GALM: variants seen among roughly 807,000 people sequenced by gnomAD.
The protein encoded by GALM is aldose 1-epimerase.
In GALM, 43 loss-of-function variants were observed where a neutral mutation model predicts 37.4. The observed-to-expected ratio is 1.15, with a 90% CI of 0.90 to 1.48. The LOEUF (loss-of-function observed/expected upper bound fraction) is 1.48, where lower values mean the gene tolerates loss of function less well. Ranked by LOEUF, GALM falls within the 40% of genes most tolerant of loss-of-function variation. The probability of loss-of-function intolerance (pLI) is 0.00; values close to 1 mark genes in which losing one functional copy is unlikely to be tolerated. For synonymous variants in GALM, 199 were observed against 170.6 expected, an observed-to-expected ratio of 1.17 and a Z score of -1.30; for missense variants, 456 against 419.1, an observed-to-expected ratio of 1.09 and a Z score of -0.77.
intron 3 of GALM, among the ~76,000 whole-genome samples, chr2:38,684,866 A>C (rs982352319): frequency 6.6e-6 from 1 of 152,170 alleles, no homozygotes; most frequent in Non-Finnish European, 1.5e-5. Flanking sequence ...AAGAGTTATG[A>C]AAGCAGGTCT....
intron 1 of GALM, among the ~76,000 whole-genome samples, chr2:38,673,456 C>A (rs773469611): frequency 1.7e-4 from 26 of 152,182 alleles, no homozygotes; most frequent in East Asian, 3.9e-4. Context: ...ATAATATGCC[C>A]ACGCCCAAAG....
At chr2:38,711,806 C>T (rs866877596) in intron 4 of GALM, among the ~76,000 whole-genome samples, 11 of 86,544 alleles carry the variant, frequency 1.3e-4, no homozygotes, top group Non-Finnish European at 1.5e-4. Flanking sequence ...ATCACCATCA[C>T]CATCATCATC....
At position 38,707,442 on chromosome 2, in the gene GALM, C is replaced by G. The variant is rs575337607; in HGVS notation, c.634+17548C>G. On this transcript the variant is annotated intron_variant, in intron 4 of 6. Transcript: ENST00000272252. ...AAGGGAGATGGCCAGGGGTAGAAGG[C>G]AAAGAAGGAGAAGAGGTGTCTAGAA... Among the ~76,000 whole-genome samples, 3 of 152,120 alleles carry G rather than the reference C, an allele frequency of 2.0e-5. No individual in the cohort carries two copies. In the East Asian group the frequency reaches 5.8e-4, roughly 29 times the overall value.
intron 2 of GALM, 135 bp from the exon 3 acceptor site, chr2:38,681,145 C>G: frequency 2.7e-6 from 2 of 750,986 alleles, no homozygotes; most frequent in Non-Finnish European, 2.3e-6. Context: ...AAAAAAAAAT[C>G]CAGGCTATCA....
chr2:38,684,677 G>C (rs12469458), intron 3 of GALM, among the ~76,000 whole-genome samples: 20,226 of 152,118 alleles, frequency 0.13, 1,743 homozygotes, highest in African/African-American at 0.23. Context: ...CGTTGTGGTA[G>C]ATGCCTGCAA....
At chr2:38,686,773 A>G (rs10165289) in intron 3 of GALM, among the ~76,000 whole-genome samples, 4,582 of 152,292 alleles carry the variant, frequency 0.03, 232 homozygotes, top group African/African-American at 0.1. Context: ...TGTACTGCAT[A>G]CTTCTGTTTC....
intron 6 of GALM, among the ~76,000 whole-genome samples, chr2:38,732,731 C>A (rs781355128): frequency 1.8e-4 from 27 of 151,214 alleles, no homozygotes; most frequent in Non-Finnish European, 3.7e-4. Context: ...CTAACCTGGG[C>A]AACACAGGGA....
intron 4 of GALM, among the ~76,000 whole-genome samples, chr2:38,703,054 T>A (rs1439248940): frequency 4.3e-3 from 60 of 13,952 alleles, no homozygotes; most frequent in African/African-American, 0.011. Context: ...ATGTGGGATT[T>A]TATATATATA....
intron 4 of GALM, among the ~76,000 whole-genome samples, chr2:38,705,655 G>GC (rs1284693556): frequency 2.6e-5 from 4 of 152,134 alleles, no homozygotes; most frequent in Non-Finnish European, 5.9e-5. Flanking sequence ...AGACAGTTGG[G>GC]CAGAGCAAGG....
At chr2:38,676,363 G>A (rs1195925188) in intron 2 of GALM, among the ~76,000 whole-genome samples, 3 of 151,960 alleles carry the variant, frequency 2.0e-5, no homozygotes, top group African/African-American at 7.3e-5. Flanking sequence ...GAAGAGATGT[G>A]GATTGATAAC....
rs1160196072 is a variant in GALM, at chr2:38,675,543, TTGTG to T, written c.191-326_191-323del. Among the ~76,000 whole-genome samples, 186 of 33,594 alleles carry T rather than the reference TTGTG, an allele frequency of 5.5e-3. 1 individual carries two copies. The highest frequency in any genetic ancestry group is 0.018 in the South Asian group (15 of 814). 22.0% of individuals were successfully genotyped at this position (33,594 alleles called of 152,430 possible). On this transcript the variant is annotated intron_variant, in intron 1 of 6. Transcript: ENST00000272252. ...GTTTTTTTGTTTTTTTTTTTTTTTT[TTGTG>T]TGTGTGTGTGTGTGTGTGTGTGTGT...
At chr2:38,701,950 C>T (rs1665929795) in intron 4 of GALM, among the ~76,000 whole-genome samples, 1 of 152,194 alleles carries the variant, frequency 6.6e-6, no homozygotes, top group Admixed American at 6.5e-5. Context: ...CCATTTCACT[C>T]CCCACTGCCT....
At chr2:38,721,524 T>G (rs899743790) in intron 4 of GALM, among the ~76,000 whole-genome samples, 1 of 152,122 alleles carries the variant, frequency 6.6e-6, no homozygotes, top group Non-Finnish European at 1.5e-5. Context: ...CCACTCTGCT[T>G]CTTTTTTGAG....
intron 3 of GALM, among the ~76,000 whole-genome samples, chr2:38,685,448 G>T (rs545068410): frequency 1.3e-5 from 2 of 152,208 alleles, no homozygotes; most frequent in African/African-American, 2.4e-5. Flanking sequence ...TAGTGATATT[G>T]CACAATGTCT....
At chr2:38,681,597 T>C in intron 3 of GALM, 111 bp downstream of exon 3, 1 of 888,732 alleles carries the variant, frequency 1.1e-6, no homozygotes, top group Non-Finnish European at 1.8e-6. Flanking sequence ...GTCACCCTCA[T>C]GATGATGAAA....
chr2:38,673,171 C>G (rs535439601), intron 1 of GALM, among the ~76,000 whole-genome samples: 9 of 152,300 alleles, frequency 5.9e-5, no homozygotes, highest in African/African-American at 2.2e-4. Context: ...AAACCTGTGA[C>G]CTGTAACTGG....
At chr2:38,688,521 A>G (rs888470394) in intron 3 of GALM, among the ~76,000 whole-genome samples, 1 of 152,118 alleles carries the variant, frequency 6.6e-6, no homozygotes, top group Non-Finnish European at 1.5e-5. Context: ...CAGAAAAAAA[A>G]AAAAAGTCAA....
At chr2:38,682,346 T>A in intron 3 of GALM, 3 of 418,554 alleles carry the variant, frequency 7.2e-6, no homozygotes, top group South Asian at 5.0e-5. Flanking sequence ...GAAGAACTCA[T>A]CATTGTCTAC....
chr2:38,720,580 C>T (rs142891624), intron 4 of GALM, among the ~76,000 whole-genome samples: 2 of 152,298 alleles, frequency 1.3e-5, no homozygotes, highest in Admixed American at 6.5e-5. Flanking sequence ...CAACAAATTA[C>T]TCCAGCACTT....
Sources: gnomAD v4.1 joint callset for allele counts (sites outside exome capture counted in the v4.1 genomes callset) on GRCh38, gnomAD v4.1.1 for gene constraint, MANE v1.5 for transcripts, NCBI Gene and HGNC (gene_info 2026-07-23, HGNC 2026-07-21) for gene names.